NAP1L1: variants seen among roughly 807,000 people sequenced by gnomAD.
NAP1L1 encodes nucleosome assembly protein 1-like 1.
A neutral mutation model predicts 58.9 loss-of-function variants in NAP1L1; 9 were observed. The observed-to-expected ratio is 0.15, with a 90% CI of 0.09 to 0.27. The LOEUF is 0.27. NAP1L1 is among the 10% of genes least tolerant of loss of function. NAP1L1 has a pLI of 1.00. For synonymous variants in NAP1L1, 130 were observed against 138.3 expected (o/e 0.94, Z 0.42); for missense variants, 302 against 458.8 (o/e 0.66, Z 3.12).
chr12:76,074,157 A>C, intron 2 of NAP1L1, 46 bp downstream of exon 2: 2 of 1,446,596 alleles, frequency 1.4e-6, no homozygotes, highest in East Asian at 4.6e-5. Flanking sequence ...ACAGAGTACA[A>C]AGTGATGCCA....
At chr12:76,048,513 G>T (rs1413907152) in intron 14 of NAP1L1, 49 bp from the exon 15 acceptor site, 1 of 1,597,876 alleles carries the variant, frequency 6.3e-7, no homozygotes, top group Non-Finnish European at 8.6e-7. Flanking sequence ...ACCTGCTTCA[G>T]TGAATTTCTC....
chr12:76,080,705 A>G (rs185647293), intron 1 of NAP1L1, among the ~76,000 whole-genome samples: 1 of 152,308 alleles, frequency 6.6e-6, no homozygotes, highest in East Asian at 1.9e-4. Flanking sequence ...AGTGGGATAC[A>G]AGGTGGAGTG....
intron 1 of NAP1L1, among the ~76,000 whole-genome samples, chr12:76,078,003 G>GAAAAAAAAAAAAAAAAAAA (rs1565749743): frequency 7.4e-6 from 1 of 135,958 alleles, no homozygotes. Context: ...AAAAAAAAAG[G>GAAAAAAAAAAAAAAAAAAA]AAAAGAATTA....
At position 76,048,420 on chromosome 12, in the gene NAP1L1, C is replaced by T. The variant is rs1187277520; in HGVS notation, c.*9G>A. ...TGCAGGTTATCCTCAAGGCCACATA[C>T]ATCCTGCTTCACTGCTGCTTGCACT... is the stretch of plus-strand genomic sequence containing the variant. On this transcript the variant is annotated 3_prime_UTR_variant, in exon 15 of 15. Coordinates refer to ENST00000618691, the MANE Select transcript of NAP1L1 (RefSeq NM_004537.7). 3.7e-6 allele frequency: 6 copies of T among 1,613,292 alleles called. No homozygotes were observed. The highest frequency in any genetic ancestry group is 1.7e-5 in the Admixed American group (1 of 60,000).
At chr12:76,083,732 T>C (rs1347373150) in intron 1 of NAP1L1, 1 of 152,220 alleles carries the variant, frequency 6.6e-6, no homozygotes, top group Admixed American at 6.5e-5. Context: ...CCCTTCCTTA[T>C]CATCAGCTAA....
intron 1 of NAP1L1, 21 bp from the exon 2 acceptor site, chr12:76,074,260 G>T: frequency 6.5e-7 from 1 of 1,546,292 alleles, no homozygotes; most frequent in East Asian, 2.3e-5. Flanking sequence ...AAACATCAAT[G>T]TTAAAAAAAA....
At chr12:76,078,618 T>C (rs1444207271) in intron 1 of NAP1L1, among the ~76,000 whole-genome samples, 1 of 152,162 alleles carries the variant, frequency 6.6e-6, no homozygotes, top group African/African-American at 2.4e-5. Flanking sequence ...CTATTAAAGG[T>C]GATATAACAA....
chr12:76,049,581 A>T, intron 13 of NAP1L1, 175 bp downstream of exon 13: 4 of 1,525,396 alleles, frequency 2.6e-6, no homozygotes, highest in Non-Finnish European at 3.5e-6. Flanking sequence ...TTTGCAATTT[A>T]TTTATTGAAA....
In NAP1L1 at chr12:76,038,269, C is replaced by T. The variant is rs891091640; in HGVS notation, c.*10160G>A. On this transcript the variant is annotated 3_prime_UTR_variant, in exon 15 of 15. Coordinates refer to ENST00000618691, the MANE Select transcript of NAP1L1 (RefSeq NM_004537.7). ...CCTACCACCTTTCCTAAGTATGCTT[C>T]TACTCTGAAACCCGGTAAATGCAAC... 1.3e-5 allele frequency: 2 copies of T among 152,186 alleles called. No individual in the cohort carries two copies. The highest frequency in any genetic ancestry group is 2.9e-5 in the Non-Finnish European group (2 of 68,028). 9.4% of individuals were successfully genotyped at this position (152,186 alleles called of 1,614,324 possible).
intron 4 of NAP1L1, 60 bp downstream of exon 4, chr12:76,067,311 A>G (rs1259143082): frequency 3.1e-6 from 4 of 1,284,064 alleles, no homozygotes; most frequent in Non-Finnish European, 4.5e-6. Context: ...GGTCTTAAAA[A>G]TAGATACGCC....
Position 76,043,991 on chromosome 12 carries a change from A to G in NAP1L1, c.*4438T>C, listed in dbSNP as rs904075070. On this transcript the variant is annotated 3_prime_UTR_variant, in exon 15 of 15. Coordinates refer to ENST00000618691, the MANE Select transcript of NAP1L1 (RefSeq NM_004537.7). ...TTCTTTTTGGCTTTAAGTTTAAAAC[A>G]TGTAAGAAACTGGCTGGGCGTGGTG... The G allele has an allele frequency of 6.6e-6, 1 of 152,228 alleles. No individual in the cohort carries two copies. Among genetic ancestry groups the G allele is most frequent in the Non-Finnish European group, 1.5e-5 (1 of 68,068 alleles). The allele number at this position is 152,228 out of a possible 1,614,324, so 9.4% of individuals were successfully genotyped here.
At chr12:76,055,290 G>C (rs1440374839) in intron 7 of NAP1L1, among the ~76,000 whole-genome samples, 200 bp from the exon 8 acceptor site, 1 of 152,138 alleles carries the variant, frequency 6.6e-6, no homozygotes, top group Non-Finnish European at 1.5e-5. Context: ...CACTGGTAGA[G>C]AAAAAGTGTC....
chr12:76,049,565 CT>C, intron 13 of NAP1L1, 190 bp downstream of exon 13: 1 of 1,531,292 alleles, frequency 6.5e-7, no homozygotes, highest in Non-Finnish European at 8.8e-7. Context: ...AAAAATGTTG[CT>C]GAGTTTTGCA....
At chr12:76,062,118 T>A (rs1332228115) in intron 4 of NAP1L1, among the ~76,000 whole-genome samples, 2 of 152,176 alleles carry the variant, frequency 1.3e-5, no homozygotes, top group Non-Finnish European at 2.9e-5. Flanking sequence ...GCAACAATCG[T>A]TGTCTGTCAT....
chr12:76,072,274 C>A (rs1949985562), intron 2 of NAP1L1, among the ~76,000 whole-genome samples: 1 of 138,730 alleles, frequency 7.2e-6, no homozygotes, highest in Admixed American at 7.3e-5. Flanking sequence ...ACATTATCAT[C>A]AATGAAACAA....
In NAP1L1 at chr12:76,059,812, C is replaced by T. The variant is rs761604507; in HGVS notation, c.415G>A (p.Glu139Lys). Reference sequence around the variant, plus strand: ...TTGGTACTAACCGAAATCTCATCTTCTTCATCTGGTTTCCATTCACATTCT... The same window carrying T: ...TTGGTACTAACCGAAATCTCATCTTTTTCATCTGGTTTCCATTCACATTCT... Reference protein sequence around the residue: ...EEECEWKPDEEDEISEELKEK... With the variant: ...EEECEWKPDEKDEISEELKEK... Residue 139 changes from glutamate to lysine, a missense_variant, in exon 6 of 15, where the codon GAA becomes AAA. Transcript: ENST00000618691. 2.1e-5 allele frequency: 34 copies of T among 1,602,976 alleles called. No homozygotes were observed. The highest frequency in any genetic ancestry group is 3.4e-5 in the Admixed American group (2 of 58,072).
intron 4 of NAP1L1, among the ~76,000 whole-genome samples, chr12:76,062,336 C>A (rs1949453643): frequency 6.6e-6 from 1 of 152,160 alleles, no homozygotes; most frequent in Non-Finnish European, 1.5e-5. Context: ...CTTAGGCTCA[C>A]CCTGCGCCCT....
rs770239693 is a variant in NAP1L1, at chr12:76,056,117, A to C, written c.474T>G (p.Asp158Glu). 2 of 1,612,940 alleles carry C rather than the reference A, an allele frequency of 1.2e-6. No individual in the cohort carries two copies. The highest frequency in any genetic ancestry group is 2.2e-5 in the East Asian group (1 of 44,770). Reference sequence around the variant, plus strand: ...TTCCTTTGGGGTCTTCTTTTTCTTCATCTTTTTTCTCATCTTCAATCTTGG... The same window carrying C: ...TTCCTTTGGGGTCTTCTTTTTCTTCCTCTTTTTTCTCATCTTCAATCTTGG... Reference protein sequence around the residue: ...EKAKIEDEKKDEEKEDPKGIP... With the variant: ...EKAKIEDEKKEEEKEDPKGIP... Residue 158 changes from aspartate (D) to glutamate (E), a missense_variant, in exon 7 of 15, where the codon GAT (aspartate) becomes GAG (glutamate). Asp to Glu is a conservative substitution (Grantham distance 45). Transcript: ENST00000618691.
At chr12:76,058,010 AGAG>A in intron 6 of NAP1L1, 1 of 808,662 alleles carries the variant, frequency 1.2e-6, no homozygotes, top group South Asian at 1.3e-5. Context: ...CCTCAGTAAC[AGAG>A]GAGGATGAAA....
Sources: allele counts gnomAD v4.1 joint callset (sites outside exome capture counted in the v4.1 genomes callset), GRCh38; gene constraint gnomAD v4.1.1; transcripts MANE v1.5; gene names NCBI Gene and HGNC (gene_info 2026-07-23, HGNC 2026-07-21).